The following PTPRT variants were observed in gnomAD, a reference collection of about 807,000 sequenced individuals.
The protein encoded by PTPRT is protein tyrosine phosphatase receptor type T, also known as receptor-type tyrosine-protein phosphatase T.
In PTPRT, 56 loss-of-function variants were observed where a neutral mutation model predicts 176.8. That is an observed-to-expected ratio of 0.32 (90% CI 0.26 to 0.40). The LOEUF is 0.40. Among genes scored for constraint, PTPRT ranks in the 10% least tolerant of loss-of-function variants. The probability of loss-of-function intolerance (pLI) is 1.00; values close to 1 mark genes in which losing one functional copy is unlikely to be tolerated. For missense variants in PTPRT, 1,540 were observed against 1,908.2 expected (o/e 0.81, Z 3.60); for synonymous variants, 783 against 739.0 (o/e 1.06, Z -0.96).
intron 18 of PTPRT, among the ~76,000 whole-genome samples, chr20:42,129,528 C>A (rs1158031561): frequency 6.6e-6 from 1 of 152,130 alleles, no homozygotes; most frequent in Admixed American, 6.6e-5. Flanking sequence ...TCAGGATAAT[C>A]CTTTACAGTT....
intron 8 of PTPRT, among the ~76,000 whole-genome samples, chr20:42,448,545 C>T (rs993334558): frequency 5.9e-5 from 9 of 152,112 alleles, no homozygotes; most frequent in Non-Finnish European, 1.3e-4. Flanking sequence ...AGTACGGTGG[C>T]GTTCCAATAA....
intron 9 of PTPRT, among the ~76,000 whole-genome samples, chr20:42,395,435 C>T (rs2058840090): frequency 6.6e-6 from 1 of 152,184 alleles, no homozygotes; most frequent in Non-Finnish European, 1.5e-5. Context: ...GAGCAGTGTC[C>T]ATCCTCTTTG....
intron 27 of PTPRT, 37 bp downstream of exon 27, chr20:42,098,384 C>T: frequency 6.2e-7 from 1 of 1,611,316 alleles, no homozygotes; most frequent in Non-Finnish European, 8.5e-7. Flanking sequence ...GCATGGCCCC[C>T]CTGACCCACC....
At chr20:42,758,893 C>T (rs967038319) in intron 5 of PTPRT, among the ~76,000 whole-genome samples, 3 of 152,312 alleles carry the variant, frequency 2.0e-5, no homozygotes, top group Admixed American at 6.5e-5. Flanking sequence ...GTCACTTGGG[C>T]GGAAACTGCC....
chr20:43,024,874 G>A (rs201112353), intron 1 of PTPRT, among the ~76,000 whole-genome samples: 1 of 152,188 alleles, frequency 6.6e-6, no homozygotes, highest in Non-Finnish European at 1.5e-5. Flanking sequence ...CCACCCCTGG[G>A]AGAACCAACT....
intron 6 of PTPRT, among the ~76,000 whole-genome samples, chr20:42,748,200 G>A (rs2076718485): frequency 6.6e-6 from 1 of 152,160 alleles, no homozygotes; most frequent in Non-Finnish European, 1.5e-5. Context: ...ATGCCCTGGA[G>A]AGAAAGTCTG....
chr20:43,121,713 A>G (rs2013268644), intron 1 of PTPRT, among the ~76,000 whole-genome samples: 1 of 152,244 alleles, frequency 6.6e-6, no homozygotes, highest in African/African-American at 2.4e-5. Flanking sequence ...GGAGTGGCAG[A>G]GAAAATAAAA....
chr20:42,308,178 C>G (rs1294440532), intron 12 of PTPRT, among the ~76,000 whole-genome samples: 1 of 152,036 alleles, frequency 6.6e-6, no homozygotes. Context: ...AAATGGCCAA[C>G]CAGCAGCTCA....
chr20:42,737,792 C>G (rs1169288530), intron 6 of PTPRT, among the ~76,000 whole-genome samples: 1 of 152,156 alleles, frequency 6.6e-6, no homozygotes, highest in African/African-American at 2.4e-5. Context: ...GCAGCCCTGG[C>G]AAACTAATAC....
chr20:42,398,614 A>T (rs2145695516), intron 9 of PTPRT, among the ~76,000 whole-genome samples: 2 of 152,298 alleles, frequency 1.3e-5, no homozygotes, highest in Middle Eastern at 3.4e-3. Context: ...CTCTTTGTAT[A>T]TGTCTTGATC....
At chr20:42,947,471 C>T (rs116040003) in intron 1 of PTPRT, among the ~76,000 whole-genome samples, 2,329 of 152,164 alleles carry the variant, frequency 0.015, 66 homozygotes, top group African/African-American at 0.052. Flanking sequence ...CTAATGCTTC[C>T]CCTCTCCCTC....
chr20:42,539,812 A>G (rs2072546633), intron 7 of PTPRT, among the ~76,000 whole-genome samples: 1 of 152,004 alleles, frequency 6.6e-6, no homozygotes. Flanking sequence ...TTAGAAGCCA[A>G]TAAAAGGGTT....
chr20:42,966,655 A>C (rs1266894682), intron 1 of PTPRT, among the ~76,000 whole-genome samples: 1 of 152,218 alleles, frequency 6.6e-6, no homozygotes, highest in Non-Finnish European at 1.5e-5. Context: ...TCACATGTGA[A>C]CCACATCAAA....
At chr20:42,196,288 A>G (rs967400262) in intron 16 of PTPRT, among the ~76,000 whole-genome samples, 1 of 152,200 alleles carries the variant, frequency 6.6e-6, no homozygotes, top group East Asian at 1.9e-4. Flanking sequence ...TCCAGTGACA[A>G]CTTAGCATAG....
At chr20:42,235,193 C>T (rs1183397839) in intron 15 of PTPRT, among the ~76,000 whole-genome samples, 2 of 152,162 alleles carry the variant, frequency 1.3e-5, no homozygotes, top group Non-Finnish European at 2.9e-5. Context: ...CAAGGATCTA[C>T]TGTACAGAGT....
At chr20:42,591,208 A>T (rs981318262) in intron 7 of PTPRT, among the ~76,000 whole-genome samples, 3 of 152,144 alleles carry the variant, frequency 2.0e-5, no homozygotes, top group Non-Finnish European at 4.4e-5. Flanking sequence ...TAAGGGAAAG[A>T]TTGATAAATT....
the PTPRT span, among the ~76,000 whole-genome samples, chr20:42,066,611 A>G: frequency 6.6e-6 from 1 of 152,192 alleles, no homozygotes; most frequent in South Asian, 2.1e-4. Context: ...CACTCATGAA[A>G]CTACCTGCTC....
At chr20:42,821,269 A>T (rs922477681) in intron 2 of PTPRT, among the ~76,000 whole-genome samples, 2 of 152,220 alleles carry the variant, frequency 1.3e-5, no homozygotes, top group African/African-American at 4.8e-5. Context: ...ACACAAATCA[A>T]TAAATGTAAT....
At chr20:42,958,466 G>A (rs569051236) in intron 1 of PTPRT, among the ~76,000 whole-genome samples, 2 of 127,200 alleles carry the variant, frequency 1.6e-5, no homozygotes, top group Non-Finnish European at 1.7e-5. Context: ...AGGGGGGAGG[G>A]GGAGGGGAGA....
Sources: allele counts gnomAD v4.1 joint callset (sites outside exome capture counted in the v4.1 genomes callset), GRCh38; gene constraint gnomAD v4.1.1; transcripts MANE v1.5; gene names NCBI Gene and HGNC (gene_info 2026-07-23, HGNC 2026-07-21).